KANK1: variants seen among roughly 807,000 people sequenced by gnomAD.
The protein encoded by KANK1 is KN motif and ankyrin repeat domain-containing protein 1.
In KANK1, 109 loss-of-function variants were observed where a neutral mutation model predicts 106.2. The observed-to-expected ratio is 1.03, with a 90% CI of 0.88 to 1.20. The LOEUF (loss-of-function observed/expected upper bound fraction) is 1.20, where lower values mean the gene tolerates loss of function less well. Among genes scored for constraint, KANK1 ranks in the 50% most tolerant of loss-of-function variants. The pLI, the probability that KANK1 is intolerant of heterozygous loss-of-function variation, is 0.00. For synonymous variants in KANK1, 873 were observed against 652.2 expected (o/e 1.34, Z -5.16); for missense variants, 2,399 against 1,710.7 (o/e 1.40, Z -7.10).
intron 1 of KANK1, among the ~76,000 whole-genome samples, chr9:567,321 C>T (rs1818046860): frequency 6.6e-6 from 1 of 152,126 alleles, no homozygotes; most frequent in African/African-American, 2.4e-5. Flanking sequence ...GCCTTCTATG[C>T]CTACATCTTA....
At chr9:659,605 T>A (rs922342107) in intron 1 of KANK1, among the ~76,000 whole-genome samples, 3 of 152,080 alleles carry the variant, frequency 2.0e-5, no homozygotes, top group Non-Finnish European at 2.9e-5. Flanking sequence ...CCACAGGCTG[T>A]AAAGAAGCAT....
chr9:615,225 C>T (rs12378412), intron 1 of KANK1, among the ~76,000 whole-genome samples: 64,509 of 152,018 alleles, frequency 0.42, 14,742 homozygotes, highest in South Asian at 0.58. Context: ...CTTGAGCTAC[C>T]GCGCCTGGCA....
intron 1 of KANK1, among the ~76,000 whole-genome samples, chr9:548,216 A>T (rs1449310235): frequency 6.6e-6 from 1 of 152,244 alleles, no homozygotes; most frequent in Non-Finnish European, 1.5e-5. Flanking sequence ...TAGTATCAGC[A>T]GTCATTCTAA....
chr9:657,202 A>G (rs1212085786), intron 1 of KANK1, among the ~76,000 whole-genome samples: 2 of 152,166 alleles, frequency 1.3e-5, no homozygotes, highest in Non-Finnish European at 1.5e-5. Context: ...ATGTGATAGA[A>G]TTTCCTTTTT....
At chr9:481,143 C>G (rs548226926) in intron 3 of KANK1, among the ~76,000 whole-genome samples, 81 of 152,268 alleles carry the variant, frequency 5.3e-4, no homozygotes, top group African/African-American at 1.8e-3. Context: ...TTATTGAATA[C>G]TGGACTGGAA....
Position 710,915 on chromosome 9 carries a change from A to T in KANK1, c.149A>T (p.Asp50Val), listed in dbSNP as rs61737971. 13,867 of 1,614,174 alleles carry T rather than the reference A, an allele frequency of 8.6e-3. 82 individuals carry two copies. Among genetic ancestry groups the T allele is most frequent in the Non-Finnish European group, 0.011 (12,513 of 1,180,018 alleles). ...GACTTAGATTTCCTCAAATATGTGG[A>T]TGACATACAGAAGGGAAATACCATC... The part of the protein sequence containing the change: ...QLDLDFLKYV[D>V]DIQKGNTIKR... The change falls in exon 3 of 12, where the codon GAT (aspartate) becomes GTT (valine). Residue 50 changes from aspartate (D) to valine (V), a missense_variant. Asp to Val is a radical substitution (Grantham distance 152). Transcript: ENST00000382297.
At chr9:723,938 GAAA>G (rs34095663) in intron 3 of KANK1, among the ~76,000 whole-genome samples, 2 of 135,222 alleles carry the variant, frequency 1.5e-5, no homozygotes, top group South Asian at 2.4e-4. Context: ...TTAAAAATAC[GAAA>G]AAAAAAAAAA....
In KANK1 at chr9:599,701, A is replaced by C. The variant is rs151100830; in HGVS notation, c.-83-77189A>C. ...TTTATGCAGATATTTTCAACCCAAC[A>C]TGGATTGAAAATAGAGTACTTGAGG... On this transcript the variant is annotated intron_variant, in intron 1 of 11. Transcript: ENST00000382297. Among the ~76,000 whole-genome samples the C allele has an allele frequency of 1.8e-4, 28 of 151,938 alleles. No homozygotes were observed. The East Asian group carries it at 5.2e-3, about 28-fold the overall frequency.
chr9:696,109 G>C (rs62531215), intron 2 of KANK1, among the ~76,000 whole-genome samples: 27,639 of 151,860 alleles, frequency 0.18, 2,865 homozygotes, highest in Non-Finnish European at 0.23. Context: ...ATGGTGAAAC[G>C]CCGTCTCTAC....
intron 1 of KANK1, among the ~76,000 whole-genome samples, chr9:658,984 C>T (rs1427542560): frequency 6.6e-6 from 1 of 152,108 alleles, no homozygotes; most frequent in Admixed American, 6.5e-5. Flanking sequence ...AGGAAGGGTA[C>T]CTCTGTTATT....
At chr9:573,540 G>T (rs1020850040) in intron 1 of KANK1, among the ~76,000 whole-genome samples, 3 of 152,138 alleles carry the variant, frequency 2.0e-5, no homozygotes, top group Non-Finnish European at 4.4e-5. Context: ...AAAGTGCTGG[G>T]ATTACAGGCA....
chr9:611,593 T>A (rs1830566593), intron 1 of KANK1, among the ~76,000 whole-genome samples: 1 of 152,212 alleles, frequency 6.6e-6, no homozygotes, highest in African/African-American at 2.4e-5. Context: ...GATAGGAGTG[T>A]GTCTAAAATT....
intron 1 of KANK1, among the ~76,000 whole-genome samples, chr9:512,211 C>G (rs2059059840): frequency 6.7e-6 from 1 of 149,502 alleles, no homozygotes; most frequent in Non-Finnish European, 1.5e-5. Flanking sequence ...TAAGGGCTCT[C>G]CAGAGAAACA....
intron 1 of KANK1, among the ~76,000 whole-genome samples, chr9:648,402 A>G (rs948030924): frequency 7.2e-5 from 11 of 152,176 alleles, no homozygotes; most frequent in Admixed American, 7.2e-4. Context: ...TATGCCGTAT[A>G]TGTATAAGAT....
intron 1 of KANK1, among the ~76,000 whole-genome samples, chr9:592,345 G>A (rs1413076775): frequency 6.6e-6 from 1 of 151,794 alleles, no homozygotes; most frequent in African/African-American, 2.4e-5. Flanking sequence ...GAAGCCGGGG[G>A]AGGGGGAACC....
intron 3 of KANK1, among the ~76,000 whole-genome samples, chr9:481,888 G>A (rs764030176): frequency 6.6e-6 from 1 of 152,104 alleles, no homozygotes; most frequent in Admixed American, 6.5e-5. Context: ...AATGGAGAGT[G>A]TATAGGAGGA....
intron 3 of KANK1, among the ~76,000 whole-genome samples, chr9:497,681 G>C (rs1410817884): frequency 2.6e-5 from 4 of 152,070 alleles, no homozygotes; most frequent in African/African-American, 9.7e-5. Flanking sequence ...GGCAAAACCT[G>C]TCTTGACAAA....
In KANK1 at chr9:734,766, G is replaced by A; in HGVS notation, c.3264G>A (p.Lys1088=). The change falls in exon 7 of 12, where the codon AAG becomes AAA. Residue 1088 remains lysine, a synonymous_variant. Transcript: ENST00000382297. ...EIRERYELSE[K]MLSACNLLKN... ...CTTTCAGGTATGAATTAAGTGAAAA[G>A]ATGTTGTCTGCATGCAACTTACTGA... is the stretch of plus-strand genomic sequence containing the variant. 1 of 1,611,838 alleles carries A rather than the reference G, an allele frequency of 6.2e-7. No individual in the cohort carries two copies. The highest frequency in any genetic ancestry group is 8.5e-7 in the Non-Finnish European group (1 of 1,177,892).
intron 1 of KANK1, among the ~76,000 whole-genome samples, chr9:656,090 C>T (rs1383908361): frequency 6.6e-6 from 1 of 152,148 alleles, no homozygotes; most frequent in Non-Finnish European, 1.5e-5. Context: ...GCTGTCAGAC[C>T]GCAGGCTCTG....
Sources: gnomAD v4.1 joint callset for allele counts (sites outside exome capture counted in the v4.1 genomes callset) on GRCh38, gnomAD v4.1.1 for gene constraint, MANE v1.5 for transcripts, NCBI Gene and HGNC (gene_info 2026-07-23, HGNC 2026-07-21) for gene names.